The following FABP6 variants were observed in gnomAD, a reference collection of about 807,000 sequenced individuals.
The protein encoded by FABP6 is fatty acid binding protein 6.
In FABP6, 13 loss-of-function variants were observed where a neutral mutation model predicts 14.9. That is an observed-to-expected ratio of 0.87 (90% CI 0.57 to 1.39). The LOEUF is 1.39. FABP6 is among the 40% of genes most tolerant of loss of function. The pLI is 0.00. For synonymous variants in FABP6, 75 were observed against 63.6 expected (o/e 1.18, Z -0.85); for missense variants, 161 against 167.2 (o/e 0.96, Z 0.20).
At chr5:160,225,645 C>T (rs969337898), upstream of FABP6, among the ~76,000 whole-genome samples, 15 of 152,080 alleles carry the variant, frequency 9.9e-5, no homozygotes, top group Non-Finnish European at 2.1e-4. Flanking sequence ...TGTGATCCAC[C>T]TGCCTCAGCC....
chr5:160,224,116 G>A (rs1038415258), intron 3 of FABP6, among the ~76,000 whole-genome samples: 8 of 151,908 alleles, frequency 5.3e-5, no homozygotes, highest in Non-Finnish European at 1.0e-4. Flanking sequence ...GGCGCCTGTA[G>A]TCCCAGCTAC....
upstream of FABP6, among the ~76,000 whole-genome samples, chr5:160,225,668 G>A (rs548390918): frequency 3.6e-4 from 55 of 152,120 alleles, no homozygotes; most frequent in Non-Finnish European, 2.8e-4. Context: ...CCAAAGTGCT[G>A]GGATTACAGG....
At chr5:160,226,892 A>C (rs1561753805), upstream of FABP6, among the ~76,000 whole-genome samples, 1 of 152,244 alleles carries the variant, frequency 6.6e-6, no homozygotes, top group Non-Finnish European at 1.5e-5. Flanking sequence ...AAAGTAATAG[A>C]TATACAAATT....
chr5:160,235,381 A>G (rs1173754047), intron 3 of FABP6, among the ~76,000 whole-genome samples: 3 of 152,156 alleles, frequency 2.0e-5, no homozygotes, highest in Non-Finnish European at 4.4e-5. Context: ...GGAAATTTGC[A>G]CTTCCGTGTG....
At chr5:160,189,038 A>G (rs1759345828) in intron 1 of FABP6, among the ~76,000 whole-genome samples, 1 of 151,156 alleles carries the variant, frequency 6.6e-6, no homozygotes, top group South Asian at 2.1e-4. Context: ...CACTTTATGC[A>G]CCCTTTTCCT....
At chr5:160,226,195 A>T (rs532013381), upstream of FABP6, among the ~76,000 whole-genome samples, 1 of 152,168 alleles carries the variant, frequency 6.6e-6, no homozygotes, top group Non-Finnish European at 1.5e-5. Context: ...ATTAATTAAT[A>T]AAAGCAGTTT....
At chr5:160,229,868 TTTATTTTATTTTATTTTATTTTTG>T (rs1760336107) in intron 1 of FABP6, among the ~76,000 whole-genome samples, 1 of 140,112 alleles carries the variant, frequency 7.1e-6, no homozygotes. Flanking sequence ...TTTATTTTAT[TTTATTTTATTTTATTTTATTTTTG>T]AGACAGAGTC....
chr5:160,204,108 C>G (rs1432701478), intron 2 of FABP6, among the ~76,000 whole-genome samples: 1 of 149,610 alleles, frequency 6.7e-6, no homozygotes, highest in Non-Finnish European at 1.5e-5. Context: ...CACCACACCC[C>G]AGCCTAGGCA....
intron 1 of FABP6, among the ~76,000 whole-genome samples, chr5:160,191,805 C>CAA (rs144615205): frequency 1.5e-5 from 2 of 130,306 alleles, no homozygotes; most frequent in South Asian, 2.5e-4. Context: ...ACTAAAAATA[C>CAA]AAAAAAAAAA....
At chr5:160,224,859 G>A (rs371573631), upstream of FABP6, among the ~76,000 whole-genome samples, 4 of 151,114 alleles carry the variant, frequency 2.6e-5, no homozygotes, top group African/African-American at 9.7e-5. Flanking sequence ...CTCACTGCAG[G>A]CTTAGCCTCC....
upstream of FABP6, among the ~76,000 whole-genome samples, chr5:160,227,007 A>G (rs1417539234): frequency 6.6e-6 from 1 of 152,274 alleles, no homozygotes; most frequent in African/African-American, 2.4e-5. Flanking sequence ...GGTGTGAACA[A>G]GAATATTTTT....
intron 3 of FABP6, among the ~76,000 whole-genome samples, chr5:160,216,896 T>C (rs912753767): frequency 6.6e-6 from 1 of 152,114 alleles, no homozygotes; most frequent in African/African-American, 2.4e-5. Context: ...AAGACCCTGA[T>C]TGGTTCTGAA....
intron 2 of FABP6, among the ~76,000 whole-genome samples, chr5:160,203,873 G>C (rs1298568568): frequency 1.3e-5 from 2 of 151,812 alleles, no homozygotes; most frequent in Non-Finnish European, 2.9e-5. Flanking sequence ...GGTTAATTTT[G>C]TATTTTTAGT....
intron 3 of FABP6, among the ~76,000 whole-genome samples, chr5:160,218,936 A>AT (rs968000073): frequency 3.0e-4 from 45 of 151,928 alleles, no homozygotes; most frequent in African/African-American, 1.0e-3. Context: ...TTGTTTTTTA[A>AT]TTTTTTTAGA....
intron 2 of FABP6, among the ~76,000 whole-genome samples, chr5:160,204,408 A>G (rs149857606): frequency 5.9e-4 from 90 of 152,342 alleles, no homozygotes; most frequent in African/African-American, 2.0e-3. Context: ...CGAAGGGCAC[A>G]CAATGAGTGA....
At chr5:160,235,196 C>T (rs1760480266) in intron 3 of FABP6, among the ~76,000 whole-genome samples, 1 of 152,196 alleles carries the variant, frequency 6.6e-6, no homozygotes, top group African/African-American at 2.4e-5. Flanking sequence ...GACTGCAGCA[C>T]TCACACTCAA....
chr5:160,194,861 T>C (rs1759479453), intron 1 of FABP6, among the ~76,000 whole-genome samples: 1 of 152,198 alleles, frequency 6.6e-6, no homozygotes, highest in African/African-American at 2.4e-5. Flanking sequence ...ATCAGTCTAT[T>C]TGTTCCCGGA....
At chr5:160,237,942 C>T (rs61181426) in intron 3 of FABP6, among the ~76,000 whole-genome samples, 26,051 of 152,142 alleles carry the variant, frequency 0.17, 2,792 homozygotes, top group Admixed American at 0.24. Context: ...CTCCCTGCCT[C>T]CTCTGGGCTC....
chr5:160,229,323 A>G, upstream of FABP6: 1 of 906,494 alleles, frequency 1.1e-6, no homozygotes. Context: ...CCCTGCTGGC[A>G]ATGGGGTGAC....
Sources: gnomAD v4.1 joint callset for allele counts (sites outside exome capture counted in the v4.1 genomes callset) on GRCh38, gnomAD v4.1.1 for gene constraint, MANE v1.5 for transcripts, NCBI Gene and HGNC (gene_info 2026-07-23, HGNC 2026-07-21) for gene names.